The following LTA variants were observed in gnomAD, a reference collection of about 807,000 sequenced individuals.
LTA encodes the protein lymphotoxin-alpha.
In LTA, 6 loss-of-function variants were observed where a neutral mutation model predicts 15.1. That is an observed-to-expected ratio of 0.40 (90% confidence interval 0.22 to 0.78). The LOEUF is 0.78. Ranked by LOEUF, LTA falls within the 30% of genes least tolerant of loss-of-function variation. LTA has a pLI of 0.38. For missense variants in LTA, 173 were observed against 249.5 expected, an observed-to-expected ratio of 0.69 and a Z score of 2.06; for synonymous variants, 87 against 107.3, an observed-to-expected ratio of 0.81 and a Z score of 1.17.
chr6:31,564,695 C>T, the LTA span, among the ~76,000 whole-genome samples: 1 of 150,634 alleles, frequency 6.6e-6, no homozygotes, highest in African/African-American at 2.4e-5. Context: ...TGCTTGAGCT[C>T]AGGAGTTCAA....
the LTA span, among the ~76,000 whole-genome samples, chr6:31,566,746 C>T: frequency 6.6e-6 from 1 of 151,102 alleles, no homozygotes; most frequent in Non-Finnish European, 1.5e-5. Context: ...AGTTCGAGAC[C>T]AGCCTGGCCA....
chr6:31,572,573 C>T (rs1033989329), intron 1 of LTA, 127 bp downstream of exon 1: 2 of 608,598 alleles, frequency 3.3e-6, no homozygotes, highest in African/African-American at 1.8e-5. Context: ...CTCTGTCTCC[C>T]TCTGCTCACC....
At chr6:31,562,887 G>C in the LTA span, among the ~76,000 whole-genome samples, 1 of 147,250 alleles carries the variant, frequency 6.8e-6, no homozygotes, top group African/African-American at 2.5e-5. Flanking sequence ...AAGCCCAGGT[G>C]CGGTGGCTCA....
chr6:31,569,015 GGTTT>G (rs956573680), upstream of LTA, among the ~76,000 whole-genome samples: 35 of 151,606 alleles, frequency 2.3e-4, no homozygotes, highest in African/African-American at 8.0e-4. Flanking sequence ...TTTGTTTTTT[GGTTT>G]GTTTGTTTGA....
the LTA span, among the ~76,000 whole-genome samples, chr6:31,563,167 CAAGA>C: frequency 6.6e-6 from 1 of 151,672 alleles, no homozygotes; most frequent in Non-Finnish European, 1.5e-5. Context: ...CAAAAACAAA[CAAGA>C]AAGGGAGAGA....
At chr6:31,572,533 A>G (rs1016427024) in intron 1 of LTA, 87 bp downstream of exon 1, 6 of 591,710 alleles carry the variant, frequency 1.0e-5, no homozygotes, top group African/African-American at 9.3e-5. Context: ...TGTTTCTGCC[A>G]TGATTCCTCT....
chr6:31,574,172 G>A lies in LTA; in HGVS notation c.*479G>A, dbSNP rs745866902. 1.6e-4 allele frequency: 45 copies of A among 278,916 alleles called. No individual in the cohort carries two copies. Among genetic ancestry groups the A allele is most frequent in the Non-Finnish European group, 2.7e-4 (39 of 141,884 alleles). The allele number at this position is 278,916 out of a possible 1,614,324, so 17.3% of individuals were successfully genotyped here. ...AGAGATGAAGAGTGAGAGGGCATGC[G>A]CACAAGGCTGACCAAGAGAGAAAGA... On this transcript the variant is annotated 3_prime_UTR_variant, in exon 4 of 4. Transcript: ENST00000418386.
chr6:31,562,310 G>C, the LTA span, among the ~76,000 whole-genome samples: 1 of 152,110 alleles, frequency 6.6e-6, no homozygotes, highest in East Asian at 1.9e-4. Context: ...AGGAAAAGGA[G>C]GTGGTGGGCA....
chr6:31,562,639 C>A, the LTA span, among the ~76,000 whole-genome samples: 2,175 of 152,192 alleles, frequency 0.014, 26 homozygotes, highest in Non-Finnish European at 0.022. Context: ...CCAAGGTGGG[C>A]AGATCACTTG....
upstream of LTA, among the ~76,000 whole-genome samples, chr6:31,570,595 A>T (rs1211637650): frequency 1.3e-5 from 2 of 152,232 alleles, no homozygotes; most frequent in Non-Finnish European, 1.5e-5. Flanking sequence ...AAATGGGCTC[A>T]TGTATGAGAA....
chr6:31,568,049 C>T (rs17200747), upstream of LTA, among the ~76,000 whole-genome samples: 612 of 152,324 alleles, frequency 4.0e-3, 5 homozygotes, highest in African/African-American at 0.013. The surrounding 1 kb of genome is among the most constrained non-coding windows in gnomAD (Gnocchi z 4.1). Context: ...CTCCCTGCCA[C>T]TCTTACAACA....
At chr6:31,566,642 GAAAAAAAAA>G in the LTA span, among the ~76,000 whole-genome samples, 1 of 122,976 alleles carries the variant, frequency 8.1e-6, no homozygotes, top group Admixed American at 8.7e-5. Context: ...TGTCTTAAAA[GAAAAAAAAA>G]AAAAAAAAAG....
chr6:31,572,279 G>A (rs551754307), upstream of LTA: 9 of 220,296 alleles, frequency 4.1e-5, no homozygotes, highest in East Asian at 8.2e-4. Flanking sequence ...CTGAGCGTCC[G>A]GGCCCAGGGG....
chr6:31,561,643 A>G, the LTA span, among the ~76,000 whole-genome samples: 1 of 151,928 alleles, frequency 6.6e-6, no homozygotes, highest in Non-Finnish European at 1.5e-5. Context: ...GTGAGCTGAG[A>G]TCATGCCTCT....
At chr6:31,571,219 C>A (rs1369005475), upstream of LTA, among the ~76,000 whole-genome samples, 2 of 152,018 alleles carry the variant, frequency 1.3e-5, no homozygotes, top group African/African-American at 4.8e-5. Context: ...CACCAGCACG[C>A]CTGGCTAATT....
At chr6:31,561,127 T>C in the LTA span, among the ~76,000 whole-genome samples, 1 of 152,086 alleles carries the variant, frequency 6.6e-6, no homozygotes, top group South Asian at 2.1e-4. Context: ...CAGTATGTTC[T>C]GGGAAAGGAG....
the LTA span, among the ~76,000 whole-genome samples, chr6:31,566,921 C>T: frequency 4.5e-4 from 68 of 151,824 alleles, no homozygotes; most frequent in South Asian, 1.2e-3. Context: ...GCCTGGGCAA[C>T]AGAGTGAGAC....
At position 31,572,663 on chromosome 6, in the gene LTA, C is replaced by T. The variant is rs780911663; in HGVS notation, c.-9-71C>T. 240 of 1,088,856 alleles carry T rather than the reference C, an allele frequency of 2.2e-4. 1 individual carries two copies. Among genetic ancestry groups the T allele is most frequent in the Non-Finnish European group, 3.1e-4 (221 of 722,910 alleles). The allele number at this position is 1,088,856 out of a possible 1,614,324, so 67.4% of individuals were successfully genotyped here. A position where few individuals can be genotyped will look rare whatever the true frequency, so the allele number is the denominator to read the frequency against. On this transcript the variant is annotated intron_variant, in intron 1 of 3. Coordinates refer to ENST00000418386, the MANE Select transcript of LTA (RefSeq NM_000595.4). ...GGTCGGGGGGTGCTCTCTCCCAGGG[C>T]GGGAGGTCTGTCTTCCGCCGCGTGC... is the stretch of plus-strand genomic sequence containing the variant.
At position 31,572,436 on chromosome 6, in the gene LTA, C is replaced by T. The variant is rs1447880782; in HGVS notation, c.-20C>T. 1 of 515,808 alleles carries T rather than the reference C, an allele frequency of 1.9e-6. No individual in the cohort carries two copies. Among genetic ancestry groups the T allele is most frequent in the African/African-American group, 1.9e-5 (1 of 51,958 alleles). The allele number at this position is 515,808 out of a possible 1,614,324, so 32.0% of individuals were successfully genotyped here. ...TGCCTGGATCCCCGGCCTGCCTGGGCCTGGGCCTTGGTGGGTTTGGTTTTG... is the reference window on the plus strand; with the variant it reads ...TGCCTGGATCCCCGGCCTGCCTGGGTCTGGGCCTTGGTGGGTTTGGTTTTG... On this transcript the variant is annotated 5_prime_UTR_variant, in exon 1 of 4. Coordinates refer to ENST00000418386, the MANE Select transcript of LTA (RefSeq NM_000595.4).
Sources: gnomAD v4.1 joint callset for allele counts (sites outside exome capture counted in the v4.1 genomes callset) on GRCh38, gnomAD v4.1.1 for gene constraint, Gnocchi (gnomAD v3.1) non-coding constraint, MANE v1.5 for transcripts, NCBI Gene and HGNC (gene_info 2026-07-23, HGNC 2026-07-21) for gene names.